CEP126: variants seen among roughly 807,000 people sequenced by gnomAD.
CEP126 encodes centrosomal protein of 126 kDa.
Under a neutral mutation model 107.8 loss-of-function variants are expected in CEP126, and 74 were observed. The observed-to-expected ratio is 0.69, with a 90% CI of 0.57 to 0.83. The LOEUF (loss-of-function observed/expected upper bound fraction) is 0.83, where lower values mean the gene tolerates loss of function less well. Among genes scored for constraint, CEP126 ranks in the 40% least tolerant of loss-of-function variants. The probability of loss-of-function intolerance (pLI) is 0.00; values close to 1 mark genes in which losing one functional copy is unlikely to be tolerated. For synonymous variants in CEP126, 449 were observed against 446.0 expected (o/e 1.01, Z -0.08); for missense variants, 1,237 against 1,281.9 (o/e 0.96, Z 0.53).
rs1305183570 is a variant in CEP126, at chr11:101,998,298, G to C, written c.*655G>C. On this transcript the variant is annotated 3_prime_UTR_variant, in exon 11 of 11. Transcript: ENST00000263468. ...ATGAAATTTTTCATTAAAATGCCAT[G>C]AATCAAGCCAGGGCCGTTGGCTTAT... The C allele has an allele frequency of 6.6e-6, 1 of 152,108 alleles. No individual in the cohort carries two copies. Among genetic ancestry groups the C allele is most frequent in the Non-Finnish European group, 1.5e-5 (1 of 68,058 alleles). 9.4% of individuals were successfully genotyped at this position (152,108 alleles called of 1,614,324 possible). A position where few individuals can be genotyped will look rare whatever the true frequency, so the allele number is the denominator to read the frequency against.
intron 2 of CEP126, among the ~76,000 whole-genome samples, chr11:101,941,317 C>T (rs886504746): frequency 9.2e-5 from 14 of 152,150 alleles, no homozygotes; most frequent in African/African-American, 3.4e-4. Context: ...TCCCCACCAG[C>T]TGGTAACCCC....
rs113103961 is a variant in CEP126 at position 101,989,586 on chromosome 11, A to C, written c.3244+2545A>C. 6.0e-3 allele frequency among the ~76,000 whole-genome samples: 915 copies of C among 152,352 alleles called. 7 individuals carry two copies. The highest frequency in any genetic ancestry group is 0.015 in the South Asian group (74 of 4,828). ...TCCCATTCTAAGAACAATAAAAGATAAGTGACAAAAGTATAACTTTTCTTG... is the reference window on the plus strand; with the variant it reads ...TCCCATTCTAAGAACAATAAAAGATCAGTGACAAAAGTATAACTTTTCTTG... On this transcript the variant is annotated intron_variant, in intron 9 of 10. Transcript: ENST00000263468.
Position 101,962,714 on chromosome 11 carries a change from A to G in CEP126, c.1679A>G (p.Lys560Arg), listed in dbSNP as rs1940995770. The G allele has an allele frequency of 3.1e-6, 5 of 1,613,134 alleles. No individual in the cohort carries two copies. The highest frequency in any genetic ancestry group is 1.3e-5 in the African/African-American group (1 of 75,008). Reference protein sequence around the residue: ...TSNYDFVGQHKKMKYNIHERN... With the variant: ...TSNYDFVGQHRKMKYNIHERN... The stretch of plus-strand genomic sequence containing the variant: ...AATTATGACTTTGTTGGCCAGCATA[A>G]GAAAATGAAATACAACATCCATGAG... Residue 560 changes from lysine (K) to arginine (R), a missense_variant, in exon 6 of 11, where the codon AAG (lysine) becomes AGG (arginine). Around this residue, in one of 3 missense-constraint regions of CEP126, gnomAD observed 1,134 missense variants for 1,150.5 expected, o/e 0.99. Transcript: ENST00000263468.
chr11:101,980,150 T>G (rs910565767), intron 7 of CEP126, among the ~76,000 whole-genome samples: 1 of 152,174 alleles, frequency 6.6e-6, no homozygotes, highest in African/African-American at 2.4e-5. Flanking sequence ...TTAATCACAT[T>G]ACCCATATAT....
Position 101,915,054 on chromosome 11 carries a change from G to C in CEP126, c.-231G>C, listed in dbSNP as rs1395261122. ...AGATGGCGGCTGCAGGGTTGCTGCC[G>C]CCCCATCTGCTATTGCCCGGCGAGG... On this transcript the variant is annotated 5_prime_UTR_variant, in exon 1 of 11. Transcript: ENST00000263468. 2.0e-6 allele frequency: 1 copy of C among 504,586 alleles called. No homozygotes were observed. Among genetic ancestry groups the C allele is most frequent in the South Asian group, 4.0e-5 (1 of 24,838 alleles). 31.3% of individuals were successfully genotyped at this position (504,586 alleles called of 1,614,324 possible). A position where few individuals can be genotyped will look rare whatever the true frequency, so the allele number is the denominator to read the frequency against.
At chr11:101,949,284 G>C (rs1488079184) in intron 4 of CEP126, among the ~76,000 whole-genome samples, 4 of 152,178 alleles carry the variant, frequency 2.6e-5, no homozygotes, top group African/African-American at 9.6e-5. Flanking sequence ...AGTTTAAGAG[G>C]AGTCAATGAA....
At chr11:101,984,004 T>G (rs565196556) in intron 8 of CEP126, among the ~76,000 whole-genome samples, 4 of 152,382 alleles carry the variant, frequency 2.6e-5, no homozygotes, top group African/African-American at 9.6e-5. Context: ...ATTTTGTTAT[T>G]CTTTGACAAC....
intron 2 of CEP126, among the ~76,000 whole-genome samples, chr11:101,942,040 A>C (rs1175932057): frequency 6.6e-6 from 1 of 152,010 alleles, no homozygotes; most frequent in Admixed American, 6.6e-5. Flanking sequence ...ATCAATCCTT[A>C]TCAGATATGT....
chr11:101,922,738 G>C lies in CEP126; in HGVS notation c.226G>C (p.Val76Leu), dbSNP rs199630583. 1.9e-6 allele frequency: 3 copies of C among 1,612,320 alleles called. No homozygotes were observed. The highest frequency in any genetic ancestry group is 2.2e-5 in the East Asian group (1 of 44,778). Reference protein sequence around the residue: ...ICRNRARKYFVESNRRKKAFE... With the variant: ...ICRNRARKYFLESNRRKKAFE... Reference sequence around the variant, plus strand: ...TCGAAATCGAGCACGTAAATATTTTGTGGAGTCAAATCGGAGAAAAAAGTA... The same window carrying C: ...TCGAAATCGAGCACGTAAATATTTTCTGGAGTCAAATCGGAGAAAAAAGTA... Residue 76 changes from valine to leucine, a missense_variant, in exon 2 of 11, where the codon GTG becomes CTG. By Grantham distance (32) the Val-to-Leu change is conservative. Coordinates refer to ENST00000263468, the MANE Select transcript of CEP126 (RefSeq NM_020802.4).
Position 101,981,955 on chromosome 11 carries a change from A to G in CEP126, c.3025A>G (p.Ile1009Val), listed in dbSNP as rs1941260524. The G allele has an allele frequency of 5.1e-6, 8 of 1,557,916 alleles. No homozygotes were observed. Among genetic ancestry groups the G allele is most frequent in the East Asian group, 2.3e-5 (1 of 44,300 alleles). Residue 1009 changes from isoleucine to valine, a missense_variant, in exon 8 of 11, where the codon ATT becomes GTT. Around this residue, in one of 3 missense-constraint regions of CEP126, gnomAD observed 4 missense variants for 17.0 expected, o/e 0.24. Transcript: ENST00000263468. ...ACAAACTACAAGGGGTACTTCTTAT[A>G]TTGAAGAAGGTATGTTTTAGTTTAA... ...PKQTTRGTSY[I>V]EEVSDSTSEF...
intron 2 of CEP126, among the ~76,000 whole-genome samples, chr11:101,938,067 G>A (rs1206328912): frequency 6.7e-6 from 1 of 149,924 alleles, no homozygotes; most frequent in Admixed American, 6.7e-5. Flanking sequence ...GCAGGAGAAT[G>A]GCGTGAACCC....
chr11:101,971,342 A>G (rs535076967), intron 6 of CEP126, among the ~76,000 whole-genome samples: 32 of 152,252 alleles, frequency 2.1e-4, no homozygotes, highest in African/African-American at 6.5e-4. Flanking sequence ...AAAAAATAGT[A>G]CATTGATCTA....
intron 1 of CEP126, among the ~76,000 whole-genome samples, chr11:101,918,246 G>C (rs538148425): frequency 6.6e-6 from 1 of 152,108 alleles, no homozygotes; most frequent in African/African-American, 2.4e-5. Context: ...CCAGGAGTTC[G>C]AAACCAGCCT....
intron 7 of CEP126, among the ~76,000 whole-genome samples, chr11:101,980,862 A>G (rs574559125): frequency 6.6e-6 from 1 of 152,262 alleles, no homozygotes; most frequent in South Asian, 2.1e-4. Context: ...ATGGAGATCA[A>G]ACAAGACTAT....
At chr11:101,924,618 C>T (rs1302960572) in intron 2 of CEP126, among the ~76,000 whole-genome samples, 4 of 152,124 alleles carry the variant, frequency 2.6e-5, no homozygotes, top group East Asian at 1.9e-4. Flanking sequence ...GGCACGCACC[C>T]CCGTGCCCGG....
At chr11:101,986,487 T>C (rs559391525) in intron 8 of CEP126, among the ~76,000 whole-genome samples, 35 of 152,304 alleles carry the variant, frequency 2.3e-4, no homozygotes, top group African/African-American at 7.9e-4. Flanking sequence ...ACTACTATTA[T>C]AAAGACAGTC....
chr11:101,922,830 T>C, intron 2 of CEP126, 70 bp downstream of exon 2: 2 of 1,264,270 alleles, frequency 1.6e-6, no homozygotes, highest in Admixed American at 2.1e-5. Flanking sequence ...TTCTCTACTT[T>C]GTAGCACTTT....
chr11:101,997,388 A>G (rs115763706), intron 10 of CEP126, among the ~76,000 whole-genome samples: 3,257 of 152,290 alleles, frequency 0.021, 66 homozygotes, highest in African/African-American at 0.053. Context: ...CAAAGTGGGA[A>G]TTTTACCTTT....
chr11:101,916,673 A>G (rs1399261126), intron 1 of CEP126, among the ~76,000 whole-genome samples: 1 of 152,178 alleles, frequency 6.6e-6, no homozygotes, highest in Non-Finnish European at 1.5e-5. Context: ...CACAACTGCT[A>G]TTACACGACC....
Sources: allele counts gnomAD v4.1 joint callset (sites outside exome capture counted in the v4.1 genomes callset), GRCh38; gene constraint gnomAD v4.1.1; regional missense constraint gnomAD v4.1.1; transcripts MANE v1.5; gene names NCBI Gene and HGNC (gene_info 2026-07-23, HGNC 2026-07-21).